The following SHCBP1L variants were observed in gnomAD, a reference collection of about 807,000 sequenced individuals.
The protein encoded by SHCBP1L is SHC binding and spindle associated 1 like, also known as testicular spindle-associated protein SHCBP1L.
SHCBP1L carries 67 observed loss-of-function variants against 62.5 expected under a neutral mutation model. The observed-to-expected ratio is 1.07, with a 90% CI of 0.88 to 1.31. The LOEUF is 1.31. Among genes scored for constraint, SHCBP1L ranks in the 40% most tolerant of loss-of-function variants. SHCBP1L has a pLI of 0.00. For missense variants in SHCBP1L, 823 were observed against 809.8 expected (o/e 1.02, Z -0.20); for synonymous variants, 284 against 289.4 (o/e 0.98, Z 0.19).
chr1:182,947,368 C>G (rs1651599274), intron 2 of SHCBP1L, among the ~76,000 whole-genome samples: 1 of 152,070 alleles, frequency 6.6e-6, no homozygotes, highest in Non-Finnish European at 1.5e-5. Context: ...TCATAGAAGA[C>G]ATTTCCAGAA....
intron 2 of SHCBP1L, among the ~76,000 whole-genome samples, chr1:182,947,214 G>A (rs529332098): frequency 6.2e-5 from 9 of 145,490 alleles, no homozygotes; most frequent in Non-Finnish European, 1.3e-4. Context: ...TCCAGCCTGG[G>A]TGACAGAGTG....
intron 5 of SHCBP1L, among the ~76,000 whole-genome samples, chr1:182,935,699 A>G (rs1194512657): frequency 6.6e-6 from 1 of 152,154 alleles, no homozygotes; most frequent in African/African-American, 2.4e-5. Flanking sequence ...GGTGAATAGG[A>G]ATGGTAAGGA....
intron 2 of SHCBP1L, among the ~76,000 whole-genome samples, chr1:182,943,617 A>G (rs868781629): frequency 6.7e-5 from 10 of 149,278 alleles, no homozygotes; most frequent in African/African-American, 2.5e-4. Context: ...CTGGCTAATT[A>G]TTGTATTTTT....
intron 6 of SHCBP1L, among the ~76,000 whole-genome samples, chr1:182,923,461 C>T (rs991276015): frequency 6.6e-6 from 1 of 152,054 alleles, no homozygotes; most frequent in Non-Finnish European, 1.5e-5. Flanking sequence ...ATGCAAACAT[C>T]CTCAACAAAA....
Position 182,904,315 on chromosome 1 carries a change from C to T in SHCBP1L, c.1452G>A (p.Thr484=), listed in dbSNP as rs1571334634. Residue 484 remains threonine (T), a synonymous_variant, in exon 8 of 10, where the codon ACG becomes ACA. Transcript: ENST00000367547. The stretch of plus-strand genomic sequence containing the variant: ...ACTCCACCACCACGATACCATCAAC[C>T]GTCCCTTGTTGTATCAAAGATAGAT... ...LMHLSLIQQG[T]VDGIVVVESG... is the part of the protein sequence containing the mutation. 6 of 1,614,090 alleles carry T rather than the reference C, an allele frequency of 3.7e-6. No individual in the cohort carries two copies. The highest frequency in any genetic ancestry group is 2.2e-5 in the South Asian group (2 of 91,084).
At chr1:182,927,050 CTATATATATATATATATATATATATA>C (rs58308065) in intron 6 of SHCBP1L, among the ~76,000 whole-genome samples, 2,365 of 90,476 alleles carry the variant, frequency 0.026, 92 homozygotes, top group Middle Eastern at 0.045. Flanking sequence ...TTAACTAGCA[CTATATATATATATATATATATATATA>C]TATATATATA....
intron 2 of SHCBP1L, chr1:182,950,763 T>C (rs1247166939): frequency 6.6e-6 from 1 of 152,036 alleles, no homozygotes; most frequent in African/African-American, 2.4e-5. Flanking sequence ...CTTTTTTTTT[T>C]TGAGACGGAG....
intron 6 of SHCBP1L, among the ~76,000 whole-genome samples, chr1:182,907,036 T>C (rs1302088932): frequency 1.3e-5 from 2 of 151,598 alleles, no homozygotes; most frequent in East Asian, 2.0e-4. Flanking sequence ...CAGGCTGGTC[T>C]CAAACTCCTC....
chr1:182,921,099 GA>G (rs765128537), intron 6 of SHCBP1L, among the ~76,000 whole-genome samples: 23 of 152,172 alleles, frequency 1.5e-4, no homozygotes, highest in African/African-American at 5.1e-4. Flanking sequence ...CAACGTGAAA[GA>G]AAAAATATTA....
intron 5 of SHCBP1L, among the ~76,000 whole-genome samples, chr1:182,930,551 G>GTATATATA (rs10536791): frequency 6.7e-4 from 33 of 49,458 alleles, no homozygotes; most frequent in Non-Finnish European, 9.4e-4. Flanking sequence ...TAGTGTGTGT[G>GTATATATA]TATATATATA....
chr1:182,904,536 T>TGC (rs989238969), intron 7 of SHCBP1L, 106 bp from the exon 8 acceptor site: 14 of 51,338 alleles, frequency 2.7e-4, no homozygotes, highest in Non-Finnish European at 4.2e-4. Flanking sequence ...CCTGTGTGCG[T>TGC]GTGTGTGTGT....
At chr1:182,938,765 T>C (rs1651258738) in intron 5 of SHCBP1L, among the ~76,000 whole-genome samples, 1 of 152,236 alleles carries the variant, frequency 6.6e-6, no homozygotes, top group South Asian at 2.1e-4. Context: ...TGGGCCACCA[T>C]GTCCAGCCTG....
chr1:182,951,401 G>A lies in SHCBP1L; in HGVS notation c.472C>T (p.Leu158Phe), dbSNP rs772981454. Reference protein sequence around the residue: ...SEKLKLKDKWLGVWKTNPSVF... With the variant: ...SEKLKLKDKWFGVWKTNPSVF... ...CTGGGATTAGTCTTCCAGACTCCAAGCCATTTGTCTTTCAACTTTAATTTT... is the reference window on the plus strand; with the variant it reads ...CTGGGATTAGTCTTCCAGACTCCAAACCATTTGTCTTTCAACTTTAATTTT... The change falls in exon 2 of 10, where the codon CTT (leucine) becomes TTT (phenylalanine). Residue 158 changes from leucine (L) to phenylalanine (F), a missense_variant. Leu to Phe is a conservative substitution (Grantham distance 22). Transcript: ENST00000367547. 5 of 1,609,158 alleles carry A rather than the reference G, an allele frequency of 3.1e-6. No individual in the cohort carries two copies. The Admixed American group carries it at 8.4e-5, about 27-fold the overall frequency.
At chr1:182,932,299 G>A (rs1270358615) in intron 5 of SHCBP1L, among the ~76,000 whole-genome samples, 3 of 152,008 alleles carry the variant, frequency 2.0e-5, no homozygotes, top group Admixed American at 6.6e-5. Context: ...TCCAACTCAT[G>A]TGGGTAATTA....
intron 9 of SHCBP1L, among the ~76,000 whole-genome samples, chr1:182,902,570 G>A (rs1414318932): frequency 1.3e-5 from 2 of 152,158 alleles, no homozygotes; most frequent in African/African-American, 4.8e-5. Flanking sequence ...GAGGGACTTA[G>A]AAAGACAAGA....
At chr1:182,952,231 T>TAC (rs1558007639) in intron 1 of SHCBP1L, among the ~76,000 whole-genome samples, 4 of 59,158 alleles carry the variant, frequency 6.8e-5, no homozygotes, top group African/African-American at 3.7e-4. Flanking sequence ...TATATATATA[T>TAC]ATATACACAC....
At chr1:182,943,284 T>C (rs1651433300) in intron 2 of SHCBP1L, among the ~76,000 whole-genome samples, 1 of 147,356 alleles carries the variant, frequency 6.8e-6, no homozygotes, top group Non-Finnish European at 1.5e-5. Flanking sequence ...GATTTTTTTT[T>C]TTTTTTTTTT....
chr1:182,930,314 T>C (rs1299540290), intron 5 of SHCBP1L, among the ~76,000 whole-genome samples: 1 of 151,988 alleles, frequency 6.6e-6, no homozygotes, highest in East Asian at 1.9e-4. Context: ...CTTTCTCTTC[T>C]TCCTGCTTTT....
At chr1:182,943,411 C>T (rs1421446552) in intron 2 of SHCBP1L, among the ~76,000 whole-genome samples, 2 of 150,698 alleles carry the variant, frequency 1.3e-5, no homozygotes, top group Non-Finnish European at 3.0e-5. Context: ...AATGAGCCAC[C>T]ATGCCTGGCC....
Sources: gnomAD v4.1 joint callset for allele counts (sites outside exome capture counted in the v4.1 genomes callset) on GRCh38, gnomAD v4.1.1 for gene constraint, MANE v1.5 for transcripts, NCBI Gene and HGNC (gene_info 2026-07-23, HGNC 2026-07-21) for gene names.